The following SPART variants were observed in gnomAD, a reference collection of about 807,000 sequenced individuals.
The protein encoded by SPART is spastic paraplegia 20 (Troyer syndrome).
SPART carries 35 observed loss-of-function variants against 58.7 expected under a neutral mutation model. The observed-to-expected ratio is 0.60, with a 90% confidence interval of 0.46 to 0.79. The LOEUF (loss-of-function observed/expected upper bound fraction) is 0.79, where lower values mean the gene tolerates loss of function less well. Ranked by LOEUF, SPART falls within the 30% of genes least tolerant of loss-of-function variation. The pLI, the probability that SPART is intolerant of heterozygous loss-of-function variation, is 0.00. For synonymous variants in SPART, 284 were observed against 280.7 expected (o/e 1.01, Z -0.12); for missense variants, 730 against 786.1 (o/e 0.93, Z 0.85).
intron 8 of SPART, among the ~76,000 whole-genome samples, chr13:36,308,637 G>GT (rs59878469): frequency 1.1e-4 from 15 of 142,490 alleles, no homozygotes; most frequent in African/African-American, 2.6e-4. Flanking sequence ...AGTTAGGTAA[G>GT]TTTTTTTTTT....
chr13:36,351,785 T>C (rs1885420123), intron 1 of SPART, among the ~76,000 whole-genome samples: 1 of 152,222 alleles, frequency 6.6e-6, no homozygotes, highest in Admixed American at 6.5e-5. Context: ...CTAGATTCAA[T>C]TTCATTCAGG....
At chr13:36,359,375 A>G (rs531615043) in intron 1 of SPART, among the ~76,000 whole-genome samples, 9 of 152,322 alleles carry the variant, frequency 5.9e-5, no homozygotes, top group Non-Finnish European at 1.2e-4. Context: ...TGTTTATCCA[A>G]TTCCCAAGAG....
chr13:36,319,982 ACG>A (rs1179609002), intron 5 of SPART, among the ~76,000 whole-genome samples: 2 of 152,074 alleles, frequency 1.3e-5, no homozygotes, highest in Non-Finnish European at 2.9e-5. Context: ...CTTCCTAAGC[ACG>A]GTTAGCGCAG....
chr13:36,356,530 G>A (rs1885629166), intron 1 of SPART, among the ~76,000 whole-genome samples: 2 of 152,154 alleles, frequency 1.3e-5, no homozygotes, highest in African/African-American at 4.8e-5. Flanking sequence ...TTGATCCCAG[G>A]TCTTTAGACA....
intron 5 of SPART, among the ~76,000 whole-genome samples, chr13:36,321,956 G>A (rs1292315510): frequency 1.3e-5 from 2 of 151,958 alleles, no homozygotes; most frequent in African/African-American, 2.4e-5. Context: ...GGCTCATCCT[G>A]GCTCAAAAAG....
chr13:36,335,884 T>C, intron 1 of SPART, 52 bp from the exon 2 acceptor site: 2 of 1,395,688 alleles, frequency 1.4e-6, no homozygotes, highest in Non-Finnish European at 1.0e-6. Context: ...TGTTTACTTA[T>C]GATTCGTATC....
intron 5 of SPART, among the ~76,000 whole-genome samples, chr13:36,324,743 T>C (rs1398964479): frequency 2.0e-5 from 3 of 152,186 alleles, no homozygotes; most frequent in Non-Finnish European, 4.4e-5. Context: ...GGCTGTTTAT[T>C]TCACCTGGGT....
intron 1 of SPART, among the ~76,000 whole-genome samples, chr13:36,352,169 T>C (rs1885440993): frequency 2.0e-5 from 3 of 152,226 alleles, no homozygotes; most frequent in Admixed American, 1.3e-4. Flanking sequence ...TTTTCTTTCT[T>C]GAACTCTACA....
Position 36,339,367 on chromosome 13 carries a change from T to C in SPART, c.-2-3535A>G, listed in dbSNP as rs865814595. On this transcript the variant is annotated intron_variant, in intron 1 of 8. Transcript: ENST00000438666. ...GGACCCAGTCTATAAGGCATATCATTTGAATAATAAAACTTCTAGAAATAT... is the reference window on the plus strand; with the variant it reads ...GGACCCAGTCTATAAGGCATATCATCTGAATAATAAAACTTCTAGAAATAT... 3.4e-4 allele frequency among the ~76,000 whole-genome samples: 51 copies of C among 151,958 alleles called. 1 individual carries two copies. In the Middle Eastern group the frequency reaches 0.017, roughly 51 times the overall value.
chr13:36,336,152 T>C (rs1008532891), intron 1 of SPART: 7 of 222,164 alleles, frequency 3.2e-5, no homozygotes, highest in South Asian at 2.0e-4. Context: ...TACATCCTTA[T>C]GGTTGAAACA....
In SPART at chr13:36,303,078, C is replaced by T. The variant is rs1880148257; in HGVS notation, c.*1287G>A. 2 of 152,140 alleles carry T rather than the reference C, an allele frequency of 1.3e-5. No homozygotes were observed. Among genetic ancestry groups the T allele is most frequent in the Admixed American group, 1.3e-4 (2 of 15,268 alleles). The allele number at this position is 152,140 out of a possible 1,614,324, so 9.4% of individuals were successfully genotyped here. A position where few individuals can be genotyped will look rare whatever the true frequency, so the allele number is the denominator to read the frequency against. On this transcript the variant is annotated 3_prime_UTR_variant, in exon 9 of 9. Coordinates refer to ENST00000438666, the MANE Select transcript of SPART (RefSeq NM_015087.5). Reference sequence around the variant, plus strand: ...TAACAACTAGTACATTATCCTTGGCCTTAGGAAAAGCCTCCATCAGTTCTA... The same window carrying T: ...TAACAACTAGTACATTATCCTTGGCTTTAGGAAAAGCCTCCATCAGTTCTA...
intron 5 of SPART, among the ~76,000 whole-genome samples, chr13:36,318,968 GC>G (rs1882044764): frequency 6.6e-6 from 1 of 152,148 alleles, no homozygotes; most frequent in African/African-American, 2.4e-5. Flanking sequence ...CGGACGCTGA[GC>G]TTCAGGTAAC....
At chr13:36,341,862 C>A (rs969705818) in intron 1 of SPART, among the ~76,000 whole-genome samples, 1 of 152,160 alleles carries the variant, frequency 6.6e-6, no homozygotes, top group Non-Finnish European at 1.5e-5. Flanking sequence ...TACCCCACAA[C>A]CCCTATCAAT....
intron 3 of SPART, among the ~76,000 whole-genome samples, chr13:36,330,484 C>T (rs1883364967): frequency 6.6e-6 from 1 of 152,096 alleles, no homozygotes; most frequent in South Asian, 2.1e-4. Flanking sequence ...CTCCTGTTCT[C>T]ATACTTTGCC....
At chr13:36,308,118 G>A (rs1445097138) in intron 8 of SPART, among the ~76,000 whole-genome samples, 4 of 152,014 alleles carry the variant, frequency 2.6e-5, no homozygotes, top group Admixed American at 6.5e-5. Context: ...ATAAACCTAA[G>A]TGTATGTAAA....
At chr13:36,321,303 C>T (rs1882356442) in intron 5 of SPART, among the ~76,000 whole-genome samples, 1 of 152,298 alleles carries the variant, frequency 6.6e-6, no homozygotes, top group South Asian at 2.1e-4. Context: ...TCTCCTGGTG[C>T]TGTCCCCAAA....
intron 1 of SPART, among the ~76,000 whole-genome samples, chr13:36,354,507 C>T (rs974355208): frequency 6.6e-6 from 1 of 152,182 alleles, no homozygotes; most frequent in African/African-American, 2.4e-5. Flanking sequence ...ATCCTGGACA[C>T]CAAGGCTCAG....
upstream of SPART, among the ~76,000 whole-genome samples, chr13:36,348,028 G>A (rs1263612611): frequency 6.6e-6 from 1 of 152,134 alleles, no homozygotes; most frequent in African/African-American, 2.4e-5. Flanking sequence ...GCTTATGCCT[G>A]TAGTCCCAGC....
intron 1 of SPART, among the ~76,000 whole-genome samples, chr13:36,368,594 A>T (rs555370446): frequency 6.6e-6 from 1 of 152,358 alleles, no homozygotes; most frequent in East Asian, 1.9e-4. Context: ...AAGAGAAGTG[A>T]GGCTATCAAT....
Sources: gnomAD v4.1 joint callset for allele counts (sites outside exome capture counted in the v4.1 genomes callset) on GRCh38, gnomAD v4.1.1 for gene constraint, MANE v1.5 for transcripts, NCBI Gene and HGNC (gene_info 2026-07-23, HGNC 2026-07-21) for gene names.